PRORP: variants seen among roughly 807,000 people sequenced by gnomAD.
PRORP encodes protein only RNase P catalytic subunit.
In PRORP, 51 loss-of-function variants were observed where a neutral mutation model predicts 59.4. That is an observed-to-expected ratio of 0.86 (90% CI 0.69 to 1.08). The LOEUF (loss-of-function observed/expected upper bound fraction) is 1.08. Ranked by LOEUF, PRORP falls within the 50% of genes least tolerant of loss-of-function variation. The pLI, the probability that PRORP is intolerant of heterozygous loss-of-function variation, is 0.00. For synonymous variants in PRORP, 231 were observed against 245.6 expected (o/e 0.94, Z 0.55); for missense variants, 646 against 690.3 (o/e 0.94, Z 0.72).
rs761984228 is a variant in PRORP, at chr14:35,123,511, C to T, written c.266C>T (p.Ala89Val). The change falls in exon 2 of 8, where the codon GCA becomes GTA. Residue 89 changes from alanine (A) to valine (V), a missense_variant. Coordinates refer to ENST00000534898, the MANE Select transcript of PRORP (RefSeq NM_014672.4). The part of the protein sequence containing the change: ...YSVPHFFLAG[A>V]AKERSQMNSQ... ...GTTCCTCATTTTTTTTTAGCTGGAG[C>T]AGCTAAGGAGAGATCACAGATGAAT... 105 of 1,613,946 alleles carry T rather than the reference C, an allele frequency of 6.5e-5. No individual in the cohort carries two copies. Among genetic ancestry groups the T allele is most frequent in the Non-Finnish European group, 8.2e-5 (97 of 1,180,028 alleles).
At chr14:35,221,975 A>G (rs1371653834) in intron 5 of PRORP, among the ~76,000 whole-genome samples, 1 of 152,188 alleles carries the variant, frequency 6.6e-6, no homozygotes, top group East Asian at 1.9e-4. Flanking sequence ...CAGTCACTTC[A>G]CTTGTCTTGT....
intron 5 of PRORP, among the ~76,000 whole-genome samples, chr14:35,236,089 C>T (rs2050203581): frequency 7.4e-6 from 1 of 135,918 alleles, no homozygotes; most frequent in Non-Finnish European, 1.6e-5. Context: ...CAGCAAGACC[C>T]CATCTCCAAA....
At chr14:35,164,191 G>A (rs1401121953) in intron 4 of PRORP, among the ~76,000 whole-genome samples, 1 of 152,114 alleles carries the variant, frequency 6.6e-6, no homozygotes, top group African/African-American at 2.4e-5. Context: ...ACTGTTGATG[G>A]GATGTAAATT....
At chr14:35,130,435 T>G (rs2047211152) in intron 4 of PRORP, among the ~76,000 whole-genome samples, 1 of 152,102 alleles carries the variant, frequency 6.6e-6, no homozygotes, top group Non-Finnish European at 1.5e-5. Flanking sequence ...TTATTAACAG[T>G]GAGTTATGTA....
At chr14:35,258,695 T>A (rs990003406) in intron 5 of PRORP, among the ~76,000 whole-genome samples, 2 of 152,166 alleles carry the variant, frequency 1.3e-5, no homozygotes, top group African/African-American at 4.8e-5. Context: ...AGGTTAAGCC[T>A]GAGGTATTGG....
chr14:35,243,425 A>G (rs1470324421), intron 5 of PRORP, among the ~76,000 whole-genome samples: 2 of 151,802 alleles, frequency 1.3e-5, no homozygotes, highest in African/African-American at 4.8e-5. Flanking sequence ...GGTCCCACCT[A>G]CTTGGGAGGC....
intron 5 of PRORP, among the ~76,000 whole-genome samples, chr14:35,245,243 A>G (rs1287876590): frequency 6.6e-6 from 1 of 152,234 alleles, no homozygotes; most frequent in Non-Finnish European, 1.5e-5. Context: ...ATAAAATGCA[A>G]GTCTTCACTG....
chr14:35,211,130 C>T (rs774489228), intron 5 of PRORP, among the ~76,000 whole-genome samples: 1 of 152,120 alleles, frequency 6.6e-6, no homozygotes, highest in African/African-American at 2.4e-5. Context: ...TATCCTATTA[C>T]ATCATAATGA....
intron 5 of PRORP, among the ~76,000 whole-genome samples, chr14:35,248,986 A>G (rs886778623): frequency 2.6e-5 from 4 of 152,226 alleles, no homozygotes; most frequent in African/African-American, 9.6e-5. Flanking sequence ...CATCAATTAC[A>G]GGCATTATGT....
At position 35,270,597 on chromosome 14, in the gene PRORP, G is replaced by A. The variant is rs765003283; in HGVS notation, c.1620+1G>A. ...TCCAGGATCAAAACTAACCTTTCAG[G>A]TAATGGTACCTGTTCTTTATGTAAT... On this transcript the variant is annotated splice_donor_variant, in intron 7 of 7. Coordinates refer to ENST00000534898, the MANE Select transcript of PRORP (RefSeq NM_014672.4). LOFTEE classifies it high-confidence loss of function. The A allele has an allele frequency of 3.1e-6, 5 of 1,613,066 alleles. No individual in the cohort carries two copies. The Admixed American group carries it at 6.7e-5, about 22-fold the overall frequency.
chr14:35,259,158 T>A (rs2050834035), intron 5 of PRORP, among the ~76,000 whole-genome samples: 2 of 152,214 alleles, frequency 1.3e-5, no homozygotes, highest in Admixed American at 6.5e-5. Flanking sequence ...ACATTTAAGA[T>A]TGCTATGTTT....
In PRORP at chr14:35,137,030, T is replaced by G. The variant is rs989597334; in HGVS notation, c.1167+9419T>G. 3.4e-5 allele frequency among the ~76,000 whole-genome samples: 5 copies of G among 146,128 alleles called. 1 individual carries two copies. Among genetic ancestry groups the G allele is most frequent in the Non-Finnish European group, 7.6e-5 (5 of 65,694 alleles). On this transcript the variant is annotated intron_variant, in intron 4 of 7. Coordinates refer to ENST00000534898, the MANE Select transcript of PRORP (RefSeq NM_014672.4). ...GTGGACTGAAGGGATACATTGGATT[T>G]GGCAACTAAGAAATCATTGATGACC...
intron 5 of PRORP, among the ~76,000 whole-genome samples, chr14:35,204,198 G>A (rs150702043): frequency 6.6e-6 from 1 of 152,034 alleles, no homozygotes; most frequent in African/African-American, 2.4e-5. Context: ...TGATACTCAT[G>A]TCACATGGTC....
intron 5 of PRORP, among the ~76,000 whole-genome samples, chr14:35,200,996 A>C (rs755744103): frequency 1.4e-4 from 21 of 152,076 alleles, no homozygotes; most frequent in Non-Finnish European, 2.1e-4. Context: ...ACTTTTCTTC[A>C]GTTTTGATGA....
intron 4 of PRORP, among the ~76,000 whole-genome samples, chr14:35,135,056 A>G (rs1430184343): frequency 3.9e-5 from 6 of 152,180 alleles, no homozygotes; most frequent in Non-Finnish European, 4.4e-5. Context: ...GCTTTCTGCT[A>G]TAACAGGGCA....
chr14:35,202,060 C>A (rs1240040201), intron 5 of PRORP, among the ~76,000 whole-genome samples: 1 of 150,646 alleles, frequency 6.6e-6, no homozygotes, highest in Non-Finnish European at 1.5e-5. Context: ...AGCTCCACCT[C>A]CCAGGTTCAC....
At chr14:35,199,409 A>G (rs2049091384) in intron 5 of PRORP, among the ~76,000 whole-genome samples, 2 of 152,028 alleles carry the variant, frequency 1.3e-5, no homozygotes, top group South Asian at 4.1e-4. Context: ...TCATGTTGAA[A>G]CTTAATTCTC....
At chr14:35,140,381 G>A (rs2047457029) in intron 4 of PRORP, among the ~76,000 whole-genome samples, 1 of 145,236 alleles carries the variant, frequency 6.9e-6, no homozygotes, top group Non-Finnish European at 1.5e-5. Flanking sequence ...TCTCTTTACT[G>A]TTCTAATAGG....
intron 5 of PRORP, among the ~76,000 whole-genome samples, chr14:35,261,589 C>T (rs952182684): frequency 4.6e-5 from 7 of 152,022 alleles, no homozygotes; most frequent in Admixed American, 2.0e-4. Flanking sequence ...ATTAGCTGGG[C>T]GTTGTGGCGG....
Sources: allele counts gnomAD v4.1 joint callset (sites outside exome capture counted in the v4.1 genomes callset), GRCh38; gene constraint gnomAD v4.1.1; transcripts MANE v1.5; gene names NCBI Gene and HGNC (gene_info 2026-07-23, HGNC 2026-07-21).